The following VIPR2 variants were observed in gnomAD, a reference collection of about 807,000 sequenced individuals.
VIPR2 encodes vasoactive intestinal polypeptide receptor 2.
VIPR2 carries 48 observed loss-of-function variants against 58.0 expected under a neutral mutation model. The observed-to-expected ratio is 0.83, with a 90% CI of 0.66 to 1.05. The LOEUF (loss-of-function observed/expected upper bound fraction) is 1.05, where lower values mean the gene tolerates loss of function less well. VIPR2 is among the 50% of genes least tolerant of loss of function. The pLI, the probability that VIPR2 is intolerant of heterozygous loss-of-function variation, is 0.00. For synonymous variants in VIPR2, 243 were observed against 235.2 expected (o/e 1.03, Z -0.30); for missense variants, 534 against 558.0 (o/e 0.96, Z 0.43).
At chr7:159,120,933 A>G (rs1316410605) in intron 2 of VIPR2, among the ~76,000 whole-genome samples, 1 of 152,212 alleles carries the variant, frequency 6.6e-6, no homozygotes, top group Non-Finnish European at 1.5e-5. Context: ...CTTGGACTTA[A>G]ACAGGGGCCG....
intron 4 of VIPR2, among the ~76,000 whole-genome samples, chr7:159,065,282 C>T (rs542972937): frequency 1.4e-4 from 22 of 152,336 alleles, no homozygotes; most frequent in African/African-American, 4.8e-4. Flanking sequence ...CATCTCCCTC[C>T]CTCCCCTCCC....
intron 3 of VIPR2, 131 bp from the exon 4 acceptor site, chr7:159,103,985 C>A: frequency 2.6e-6 from 2 of 756,130 alleles, no homozygotes; most frequent in Admixed American, 4.6e-5. Flanking sequence ...GGAGACAGGA[C>A]TGCCACTCAA....
chr7:159,110,043 AT>A lies in VIPR2; in HGVS notation c.152-125del, dbSNP rs3833680. The A allele has an allele frequency of 2.9e-4, 241 of 824,924 alleles. No homozygotes were observed. The East Asian group carries it at 4.8e-3, about 17-fold the overall frequency. The allele number at this position is 824,924 out of a possible 1,614,324, so 51.1% of individuals were successfully genotyped here. On this transcript the variant is annotated intron_variant, in intron 2 of 12. Coordinates refer to ENST00000262178, the MANE Select transcript of VIPR2 (RefSeq NM_003382.5). The stretch of plus-strand genomic sequence containing the variant: ...TGTGAAACACACTTGCACCAACACA[AT>A]TATTGAGACTATAGTTAGCTTGTGG...
intron 1 of VIPR2, among the ~76,000 whole-genome samples, chr7:159,142,930 G>A (rs1031562445): frequency 1.3e-5 from 2 of 152,212 alleles, no homozygotes; most frequent in Non-Finnish European, 2.9e-5. Context: ...CTTCCTCCGA[G>A]GACGGCCTCC....
At chr7:159,134,680 C>T (rs1484882563) in intron 2 of VIPR2, among the ~76,000 whole-genome samples, 3 of 150,670 alleles carry the variant, frequency 2.0e-5, no homozygotes, top group Admixed American at 6.6e-5. Context: ...TTTTTTGAGA[C>T]GGAGTCTTGC....
chr7:159,085,954 C>G (rs754831932), intron 4 of VIPR2, among the ~76,000 whole-genome samples: 2 of 152,122 alleles, frequency 1.3e-5, no homozygotes, highest in Non-Finnish European at 2.9e-5. Context: ...TTTGTCCAAA[C>G]CCACAGAATG....
chr7:159,078,737 G>A (rs1856767266), intron 4 of VIPR2, among the ~76,000 whole-genome samples: 1 of 152,314 alleles, frequency 6.6e-6, no homozygotes, highest in East Asian at 1.9e-4. Context: ...GCATCGCGTT[G>A]TGCCTACATA....
chr7:159,068,636 AT>A (rs1856220703), intron 4 of VIPR2, among the ~76,000 whole-genome samples: 1 of 152,240 alleles, frequency 6.6e-6, no homozygotes, highest in South Asian at 2.1e-4. Context: ...GAGAAAGCAG[AT>A]CCCGCTGTTG....
intron 1 of VIPR2, chr7:159,144,368 A>T: frequency 6.5e-7 from 1 of 1,542,586 alleles, no homozygotes; most frequent in East Asian, 2.5e-5. Flanking sequence ...TGAAACGCGC[A>T]GCCCGCGCAG....
In VIPR2 at chr7:159,035,144, C is replaced by T. The variant is rs976857779; in HGVS notation, c.810-494G>A. Among the ~76,000 whole-genome samples, 8 of 152,326 alleles carry T rather than the reference C, an allele frequency of 5.3e-5. No individual in the cohort carries two copies. The South Asian group carries it at 6.2e-4, about 12-fold the overall frequency. ...AAGCTGTGACCCCTGGCTTGTAAAA[C>T]GCCTCAGTGATTCTCCCCAGGGTCC... On this transcript the variant is annotated intron_variant, in intron 8 of 12. Transcript: ENST00000262178.
chr7:159,033,003 G>A (rs143542703), intron 10 of VIPR2, among the ~76,000 whole-genome samples: 9 of 151,996 alleles, frequency 5.9e-5, no homozygotes, highest in East Asian at 2.0e-4. Context: ...AAGCAGAGAC[G>A]GGATACTCCC....
intron 4 of VIPR2, among the ~76,000 whole-genome samples, chr7:159,086,669 T>C (rs73527834): frequency 0.02 from 3,100 of 152,324 alleles, 113 homozygotes; most frequent in African/African-American, 0.071. Flanking sequence ...TGATTCTCCA[T>C]GGCCAGGTGT....
At chr7:159,141,815 T>C (rs1007759779) in intron 2 of VIPR2, among the ~76,000 whole-genome samples, 2 of 152,192 alleles carry the variant, frequency 1.3e-5, no homozygotes, top group African/African-American at 2.4e-5. Flanking sequence ...GAGAAAATCA[T>C]GACAAAGAGC....
chr7:159,048,565 C>G (rs1482091083), intron 5 of VIPR2, among the ~76,000 whole-genome samples: 1 of 152,146 alleles, frequency 6.6e-6, no homozygotes, highest in Non-Finnish European at 1.5e-5. Flanking sequence ...ACTCTGAACA[C>G]AAGAATGTAA....
chr7:159,050,354 C>CAAAAAAAAAAAAAAAAAAAA (rs11302236), intron 5 of VIPR2, among the ~76,000 whole-genome samples: 1 of 139,174 alleles, frequency 7.2e-6, no homozygotes, highest in African/African-American at 2.7e-5. Context: ...CACAAAAAAA[C>CAAAAAAAAAAAAAAAAAAAA]AAAAAAAAAA....
At chr7:159,081,916 T>C (rs1432549279) in intron 4 of VIPR2, among the ~76,000 whole-genome samples, 2 of 152,184 alleles carry the variant, frequency 1.3e-5, no homozygotes, top group African/African-American at 2.4e-5. Flanking sequence ...CGCAATGAGA[T>C]ACCATATCAC....
chr7:159,035,802 G>A (rs1853905617), intron 8 of VIPR2, 150 bp downstream of exon 8: 3 of 1,418,650 alleles, frequency 2.1e-6, no homozygotes, highest in South Asian at 3.2e-5. Context: ...TTCTCCCCAT[G>A]AATCGCCCAG....
chr7:159,132,345 G>A (rs1223419679), intron 2 of VIPR2, among the ~76,000 whole-genome samples: 5 of 139,480 alleles, frequency 3.6e-5, no homozygotes, highest in Admixed American at 1.5e-4. Context: ...TGAGCTCTCC[G>A]ACTCCATGGG....
At chr7:159,035,702 G>A in intron 8 of VIPR2, 1 of 985,386 alleles carries the variant, frequency 1.0e-6, no homozygotes, top group Non-Finnish European at 1.2e-6. Flanking sequence ...GTCTCTGCCT[G>A]GCTTATCCCA....
Sources: allele counts gnomAD v4.1 joint callset (sites outside exome capture counted in the v4.1 genomes callset), GRCh38; gene constraint gnomAD v4.1.1; transcripts MANE v1.5; gene names NCBI Gene and HGNC (gene_info 2026-07-23, HGNC 2026-07-21).